TANC2: variants seen among roughly 807,000 people sequenced by gnomAD.
TANC2 encodes the protein protein TANC2.
Under a neutral mutation model 210.5 loss-of-function variants are expected in TANC2, and 26 were observed. That is an observed-to-expected ratio of 0.12 (90% confidence interval 0.09 to 0.17). The LOEUF (loss-of-function observed/expected upper bound fraction) is 0.17. TANC2 is among the 10% of genes least tolerant of loss of function. The pLI, the probability that TANC2 is intolerant of heterozygous loss-of-function variation, is 1.00. For synonymous variants in TANC2, 931 were observed against 967.1 expected (o/e 0.96, Z 0.69); for missense variants, 2,129 against 2,608.9 (o/e 0.82, Z 4.01).
chr17:63,114,443 G>C (rs1047033816), intron 4 of TANC2, among the ~76,000 whole-genome samples: 1 of 152,114 alleles, frequency 6.6e-6, no homozygotes, highest in Admixed American at 6.6e-5. Context: ...TCACATATAT[G>C]ATTTTTAAGA....
At chr17:63,386,754 ATAT>A (rs2047791795) in intron 15 of TANC2, among the ~76,000 whole-genome samples, 1 of 152,212 alleles carries the variant, frequency 6.6e-6, no homozygotes, top group Admixed American at 6.5e-5. Context: ...TTTTAATACC[ATAT>A]TATTTTATTT....
At chr17:63,210,195 C>T (rs929426706) in intron 7 of TANC2, among the ~76,000 whole-genome samples, 4 of 152,174 alleles carry the variant, frequency 2.6e-5, no homozygotes, top group African/African-American at 9.7e-5. Flanking sequence ...TGACTCTCAG[C>T]CTTTCTATTG....
In TANC2 at chr17:63,412,965, T is replaced by C. The variant is rs1368617633; in HGVS notation, c.3928+256T>C. On this transcript the variant is annotated intron_variant, in intron 24 of 27. Transcript: ENST00000689528. The surrounding 1 kb of genome is among the most constrained non-coding windows in gnomAD (Gnocchi z 4.2). Reference sequence around the variant, plus strand: ...TTAACCTTTTCTTTCTTTTTGTGGGTAAAGTCATCCTCAGTAATGTTGGTT... The same window carrying C: ...TTAACCTTTTCTTTCTTTTTGTGGGCAAAGTCATCCTCAGTAATGTTGGTT... Among the ~76,000 whole-genome samples, 2 of 152,216 alleles carry C rather than the reference T, an allele frequency of 1.3e-5. No individual in the cohort carries two copies. Among genetic ancestry groups the C allele is most frequent in the Non-Finnish European group, 2.9e-5 (2 of 68,046 alleles).
At position 63,195,919 on chromosome 17, in the gene TANC2, T is replaced by C. The variant is rs80178019; in HGVS notation, c.582+1780T>C. On this transcript the variant is annotated intron_variant, in intron 6 of 27. Coordinates refer to ENST00000689528, the Ensembl canonical transcript of TANC2. ...TCCCTTTCACGCACGGCTCTCCAGC[T>C]ACATTGGCCTCCTTGTCGTTCGCCA... Among the ~76,000 whole-genome samples, 674 of 152,276 alleles carry C rather than the reference T, an allele frequency of 4.4e-3. 6 individuals are homozygous for C. Among genetic ancestry groups the C allele is most frequent in the African/African-American group, 0.014 (590 of 41,556 alleles).
chr17:63,183,753 C>A (rs1198585610), intron 5 of TANC2, among the ~76,000 whole-genome samples: 2 of 152,184 alleles, frequency 1.3e-5, no homozygotes, highest in African/African-American at 2.4e-5. Flanking sequence ...CGCGGTGGCT[C>A]ACGCCTGTAA....
chr17:63,090,395 A>G (rs1400001390), intron 3 of TANC2, among the ~76,000 whole-genome samples: 2 of 151,818 alleles, frequency 1.3e-5, no homozygotes, highest in East Asian at 3.9e-4. Context: ...CCGGTGTGTG[A>G]TGTTCCCCTT....
intron 4 of TANC2, among the ~76,000 whole-genome samples, chr17:63,144,441 A>G (rs892732069): frequency 1.3e-5 from 2 of 152,172 alleles, no homozygotes; most frequent in Non-Finnish European, 2.9e-5. Context: ...GAGAAATCAG[A>G]TATCTAATAG....
chr17:63,293,110 T>C (rs2044430592), intron 9 of TANC2, among the ~76,000 whole-genome samples: 1 of 152,194 alleles, frequency 6.6e-6, no homozygotes, highest in Non-Finnish European at 1.5e-5. Context: ...TTCAAAAACT[T>C]ATTTCCTGGG....
intron 7 of TANC2, among the ~76,000 whole-genome samples, chr17:63,221,858 A>G (rs1214751483): frequency 1.3e-5 from 2 of 152,216 alleles, no homozygotes; most frequent in African/African-American, 2.4e-5. Context: ...ATAAAGTTCA[A>G]CAAAAATCTG....
exon 6 of TANC2, chr17:63,194,017 C>G (rs770432077): frequency 9.9e-6 from 16 of 1,612,984 alleles, no homozygotes; most frequent in African/African-American, 1.3e-5. Flanking sequence ...GCTTGGCCCC[C>G]CTCCATCTGT....
At chr17:63,392,105 TC>T (rs2047998571) in intron 17 of TANC2, among the ~76,000 whole-genome samples, 1 of 152,156 alleles carries the variant, frequency 6.6e-6, no homozygotes, top group Non-Finnish European at 1.5e-5. Context: ...TTCACTGAGA[TC>T]CTCTGGTCTT....
chr17:63,388,506 C>T (rs2047857467), intron 15 of TANC2, 129 bp from the exon 16 acceptor site: 2 of 927,046 alleles, frequency 2.2e-6, no homozygotes, highest in East Asian at 2.8e-5. Flanking sequence ...CTTTGCTTGG[C>T]ATGAACATTG....
intron 2 of TANC2, among the ~76,000 whole-genome samples, chr17:63,023,406 A>G (rs1012684176): frequency 2.0e-5 from 3 of 152,126 alleles, no homozygotes; most frequent in Non-Finnish European, 4.4e-5. Flanking sequence ...AGGTCTAGCT[A>G]TGTTGCCCAG....
chr17:62,999,922 T>A lies in TANC2; in HGVS notation c.-23-9615T>A, dbSNP rs567657211. Among the ~76,000 whole-genome samples, 25 of 152,334 alleles carry A rather than the reference T, an allele frequency of 1.6e-4. No homozygotes were observed. In the South Asian group the frequency reaches 5.2e-3, roughly 32 times the overall value. Reference sequence around the variant, plus strand: ...GCAGGCATAAAAGAATGAGATCATGTCCTTTGCAGCAACATGGACAGAGGA... The same window carrying A: ...GCAGGCATAAAAGAATGAGATCATGACCTTTGCAGCAACATGGACAGAGGA... On this transcript the variant is annotated intron_variant, in intron 1 of 27. Transcript: ENST00000689528.
chr17:63,275,954 G>T (rs1474482601), intron 9 of TANC2, among the ~76,000 whole-genome samples: 1 of 152,024 alleles, frequency 6.6e-6, no homozygotes, highest in Non-Finnish European at 1.5e-5. Flanking sequence ...TTGATGTTTT[G>T]ATCTAAATTA....
chr17:63,096,852 A>T (rs1349928487), intron 3 of TANC2, among the ~76,000 whole-genome samples: 1 of 152,156 alleles, frequency 6.6e-6, no homozygotes, highest in Non-Finnish European at 1.5e-5. Flanking sequence ...GAAGTGTATG[A>T]AGATTTTAAT....
intron 6 of TANC2, among the ~76,000 whole-genome samples, chr17:63,198,081 C>T (rs754402043): frequency 4.6e-5 from 7 of 152,082 alleles, no homozygotes; most frequent in Admixed American, 2.6e-4. Flanking sequence ...TCCACATTGT[C>T]TATATTATGC....
At chr17:63,326,240 C>T (rs2045639863) in intron 11 of TANC2, among the ~76,000 whole-genome samples, 1 of 152,128 alleles carries the variant, frequency 6.6e-6, no homozygotes, top group African/African-American at 2.4e-5. Flanking sequence ...GACATGTGGA[C>T]ACTTAGTGTA....
Position 63,420,156 on chromosome 17 carries a change from C to CCTT in TANC2, c.4427_4428insTTC (p.Pro1476_Glu1477insSer). ...GCCACCGCAGCCTCAGCAGCAGTTG[C>CCTT]CGGAAGAAGCAGAACCTGAGCCACA... is the stretch of plus-strand genomic sequence containing the variant. On this transcript the variant is annotated inframe_insertion, in exon 28 of 28. Transcript: ENST00000689528. The surrounding 1 kb of genome is among the most constrained non-coding windows in gnomAD (Gnocchi z 4.2). 6.4e-7 allele frequency: 1 copy of CCTT among 1,562,208 alleles called. No individual in the cohort carries two copies. Among genetic ancestry groups the CCTT allele is most frequent in the Non-Finnish European group, 8.7e-7 (1 of 1,152,698 alleles).
Sources: allele counts gnomAD v4.1 joint callset (sites outside exome capture counted in the v4.1 genomes callset), GRCh38; gene constraint gnomAD v4.1.1; non-coding constraint Gnocchi (gnomAD v3.1); transcripts MANE v1.5; gene names NCBI Gene and HGNC (gene_info 2026-07-23, HGNC 2026-07-21).